Variants in ZNF469 observed in about 807,000 individuals in gnomAD.
The protein encoded by ZNF469 is zinc finger protein 469.
Under a neutral mutation model 1.0 loss-of-function variants are expected in ZNF469, and 1 was observed. The observed-to-expected ratio is 1.00, with a 90% confidence interval of 0.35 to 4.73. The LOEUF (loss-of-function observed/expected upper bound fraction) is 4.73. ZNF469 is among the 30% of genes most tolerant of loss of function. ZNF469 has a pLI of 0.16. For missense variants in ZNF469, 6,100 were observed against 5,356.3 expected (o/e 1.14, Z -4.33); for synonymous variants, 2,703 against 2,363.4 (o/e 1.14, Z -4.17).
At chr16:88,255,652 G>A in the ZNF469 span, among the ~76,000 whole-genome samples, 1 of 152,196 alleles carries the variant, frequency 6.6e-6, no homozygotes, top group Non-Finnish European at 1.5e-5. Flanking sequence ...AAAGAAAGAG[G>A]AAAGAATCCT....
chr16:88,157,081 G>C, the ZNF469 span, among the ~76,000 whole-genome samples: 1 of 152,198 alleles, frequency 6.6e-6, no homozygotes, highest in Non-Finnish European at 1.5e-5. Context: ...ATGCAGGGAT[G>C]CCCCTCCCCT....
chr16:88,166,678 C>T, the ZNF469 span, among the ~76,000 whole-genome samples: 1 of 151,894 alleles, frequency 6.6e-6, no homozygotes, highest in Non-Finnish European at 1.5e-5. The surrounding 1 kb of genome is among the most constrained non-coding windows in gnomAD (Gnocchi z 4.5). Flanking sequence ...ATCGATAGCG[C>T]CACTGGGTGA....
At chr16:88,120,931 C>T in the ZNF469 span, among the ~76,000 whole-genome samples, 9 of 152,170 alleles carry the variant, frequency 5.9e-5, no homozygotes, top group African/African-American at 9.7e-5. Flanking sequence ...CTCAGCCATG[C>T]GGCGTTTCTT....
At chr16:88,246,695 C>T in the ZNF469 span, among the ~76,000 whole-genome samples, 14 of 152,242 alleles carry the variant, frequency 9.2e-5, no homozygotes, top group African/African-American at 2.2e-4. Context: ...TGAGAACCAC[C>T]GCTTTAGGGA....
chr16:88,179,227 G>T, the ZNF469 span, among the ~76,000 whole-genome samples: 8 of 152,218 alleles, frequency 5.3e-5, no homozygotes, highest in African/African-American at 1.9e-4. Flanking sequence ...CCTACGGGCG[G>T]GGGTTTGGGT....
chr16:88,199,159 C>A, the ZNF469 span, among the ~76,000 whole-genome samples: 1 of 152,160 alleles, frequency 6.6e-6, no homozygotes, highest in Non-Finnish European at 1.5e-5. Context: ...GAGGAGGCTG[C>A]AGATGGGAAT....
the ZNF469 span, among the ~76,000 whole-genome samples, chr16:88,102,180 A>T: frequency 6.6e-6 from 1 of 151,856 alleles, no homozygotes; most frequent in Non-Finnish European, 1.5e-5. Context: ...CCTGAGCAGG[A>T]ACGGGACAGA....
Position 88,430,737 on chromosome 16 carries a change from C to T in ZNF469, c.3267C>T (p.Leu1089=). ...GGCCCGGAGCTGAGGACCGCAGGCT[C>T]CGCGAGTACGACTTCGCCTCGGAGT... ...RPRPGAEDRR[L]REYDFASESE... The change falls in exon 3 of 3, where the codon CTC becomes CTT. Residue 1089 remains leucine, a synonymous_variant. Transcript: ENST00000565624. 2.0e-6 allele frequency: 3 copies of T among 1,501,442 alleles called. No homozygotes were observed. The highest frequency in any genetic ancestry group is 2.5e-5 in the East Asian group (1 of 39,382). The allele number at this position is 1,501,442 out of a possible 1,614,324, so 93.0% of individuals were successfully genotyped here.
chr16:88,307,034 C>T, the ZNF469 span, among the ~76,000 whole-genome samples: 12 of 152,294 alleles, frequency 7.9e-5, no homozygotes, highest in East Asian at 1.9e-4. Flanking sequence ...CCCTGGCAAC[C>T]GCCAATCCAC....
At chr16:88,336,934 G>A in the ZNF469 span, among the ~76,000 whole-genome samples, 4 of 152,230 alleles carry the variant, frequency 2.6e-5, no homozygotes, top group African/African-American at 7.2e-5. Context: ...CCTGTGAGCA[G>A]AATCATGCTG....
chr16:88,357,720 G>A, the ZNF469 span, among the ~76,000 whole-genome samples: 13 of 152,212 alleles, frequency 8.5e-5, no homozygotes, highest in Non-Finnish European at 1.3e-4. Flanking sequence ...ATTTCCCATC[G>A]CATTTATGGG....
chr16:88,331,565 A>G, the ZNF469 span, among the ~76,000 whole-genome samples: 3 of 151,354 alleles, frequency 2.0e-5, no homozygotes, highest in Non-Finnish European at 4.4e-5. Context: ...CGTCATCACC[A>G]TCACCACCAC....
chr16:88,393,380 T>C (rs893727401), intron 1 of ZNF469, among the ~76,000 whole-genome samples: 14 of 152,236 alleles, frequency 9.2e-5, no homozygotes, highest in African/African-American at 3.4e-4. Flanking sequence ...TGGGAAAGGC[T>C]GTCCACACCA....
At chr16:88,249,617 T>C in the ZNF469 span, among the ~76,000 whole-genome samples, 2 of 151,934 alleles carry the variant, frequency 1.3e-5, no homozygotes, top group Non-Finnish European at 2.9e-5. Context: ...TTTATATTTT[T>C]AGTAGAGACG....
chr16:88,244,006 A>T, the ZNF469 span, among the ~76,000 whole-genome samples: 1 of 129,746 alleles, frequency 7.7e-6, no homozygotes, highest in Non-Finnish European at 1.6e-5. Context: ...GAATGGATGG[A>T]TGTACGTATG....
the ZNF469 span, among the ~76,000 whole-genome samples, chr16:88,331,243 CCATCGT>C: frequency 2.2e-4 from 32 of 148,548 alleles, no homozygotes; most frequent in Non-Finnish European, 3.6e-4. Context: ...ACCACCATCA[CCATCGT>C]CACCATCACC....
the ZNF469 span, among the ~76,000 whole-genome samples, chr16:88,108,123 A>G: frequency 8.2e-5 from 12 of 146,944 alleles, 1 homozygote; most frequent in East Asian, 4.0e-4. Flanking sequence ...GTGGGGATGG[A>G]GGTGCACGTC....
At chr16:88,347,590 T>C in the ZNF469 span, among the ~76,000 whole-genome samples, 18 of 152,228 alleles carry the variant, frequency 1.2e-4, no homozygotes, top group East Asian at 3.3e-3. Context: ...AACCACACCA[T>C]CTGTGATACT....
the ZNF469 span, among the ~76,000 whole-genome samples, chr16:88,372,559 T>TTCACCATCATCACCATCACACCA: frequency 6.7e-6 from 1 of 148,244 alleles, no homozygotes; most frequent in Non-Finnish European, 1.5e-5. Context: ...CTTTACCATC[T>TTCACCATCATCACCATCACACCA]TCACCATCAT....
Sources: allele counts gnomAD v4.1 joint callset (sites outside exome capture counted in the v4.1 genomes callset), GRCh38; gene constraint gnomAD v4.1.1; non-coding constraint Gnocchi (gnomAD v3.1); transcripts MANE v1.5; gene names NCBI Gene and HGNC (gene_info 2026-07-23, HGNC 2026-07-21).